USP20: variants seen among roughly 807,000 people sequenced by gnomAD.
USP20 encodes ubiquitin carboxyl-terminal hydrolase 20.
USP20 carries 80 observed loss-of-function variants against 124.2 expected under a neutral mutation model. The ratio of observed to expected loss-of-function variants is 0.64; its 90% CI spans 0.54 to 0.78. The LOEUF (loss-of-function observed/expected upper bound fraction) is 0.78. Among genes scored for constraint, USP20 ranks in the 30% least tolerant of loss-of-function variants. USP20 has a pLI of 0.00. For synonymous variants in USP20, 481 were observed against 512.3 expected, an observed-to-expected ratio of 0.94 and a Z score of 0.83; for missense variants, 1,043 against 1,244.4, an observed-to-expected ratio of 0.84 and a Z score of 2.44.
intron 4 of USP20, among the ~76,000 whole-genome samples, chr9:129,857,390 C>A (rs1349981932): frequency 6.6e-6 from 1 of 152,224 alleles, no homozygotes; most frequent in Non-Finnish European, 1.5e-5. Flanking sequence ...TCCCAGAAGG[C>A]CCTGCTGATC....
Position 129,839,212 on chromosome 9 carries a change from T to C in USP20, c.-129+3713T>C, listed in dbSNP as rs903622762. Among the ~76,000 whole-genome samples, 1 of 152,190 alleles carries C rather than the reference T, an allele frequency of 6.6e-6. No individual in the cohort carries two copies. Among genetic ancestry groups the C allele is most frequent in the Admixed American group, 6.5e-5 (1 of 15,280 alleles). On this transcript the variant is annotated intron_variant, in intron 1 of 25. Coordinates refer to ENST00000372429, the MANE Select transcript of USP20 (RefSeq NM_001110303.4). The surrounding 1 kb of genome is among the most constrained non-coding windows in gnomAD (Gnocchi z 4.5). ...GCCAGTTATTCCACTTCTCTGAGCC[T>C]CGGTGTCTCCATTGTTAGTGATGGA...
At chr9:129,843,233 C>A (rs2032335761) in intron 1 of USP20, among the ~76,000 whole-genome samples, 1 of 151,876 alleles carries the variant, frequency 6.6e-6, no homozygotes, top group African/African-American at 2.4e-5. Context: ...AGTTCGAGAC[C>A]ACCCTGGCCA....
intron 1 of USP20, among the ~76,000 whole-genome samples, chr9:129,844,364 G>A (rs185909519): frequency 3.9e-5 from 6 of 152,102 alleles, no homozygotes; most frequent in Non-Finnish European, 7.4e-5. Context: ...GGTGGCTCAC[G>A]CCTGTAATCC....
chr9:129,880,384 G>A (rs2034592204), intron 25 of USP20, 83 bp from the exon 26 acceptor site: 4 of 1,390,800 alleles, frequency 2.9e-6, no homozygotes, highest in Non-Finnish European at 2.9e-6. Context: ...CAAAGAGCAG[G>A]TCCCTGAAAG....
intron 6 of USP20, among the ~76,000 whole-genome samples, chr9:129,859,586 T>C (rs1415042861): frequency 6.6e-6 from 1 of 152,076 alleles, no homozygotes; most frequent in Non-Finnish European, 1.5e-5. Flanking sequence ...TCCTTCTGTT[T>C]AGACAGTCAC....
Position 129,879,399 on chromosome 9 carries a change from C to T in USP20, c.2513-174C>T. The T allele has an allele frequency of 6.4e-6, 4 of 626,686 alleles. No individual in the cohort carries two copies. The South Asian group carries it at 7.8e-5, about 12-fold the overall frequency. 38.8% of individuals were successfully genotyped at this position (626,686 alleles called of 1,614,324 possible). ...ATCTCGTGTGTCCTGGAAATTCCCT[C>T]TGCTGGGTCCTCAGACTGCCACAGA... On this transcript the variant is annotated intron_variant, in intron 23 of 25. Transcript: ENST00000372429. This position sits in a 1 kb window ranked among gnomAD's most constrained non-coding sequence, Gnocchi z 4.2.
chr9:129,863,396 C>A, intron 9 of USP20, 97 bp downstream of exon 9: 1 of 956,328 alleles, frequency 1.0e-6, no homozygotes, highest in Non-Finnish European at 1.5e-6. Flanking sequence ...CAGCCCCCAG[C>A]GAGGACTTGC....
chr9:129,873,080 C>CTGTTTTTTTT (rs1554750573), intron 15 of USP20, among the ~76,000 whole-genome samples: 5 of 78,366 alleles, frequency 6.4e-5, no homozygotes. Flanking sequence ...TTTTCTTCTT[C>CTGTTTTTTTT]TTTTTTTTTT....
At chr9:129,875,705 G>A in intron 21 of USP20, 64 bp downstream of exon 21, 2 of 1,531,464 alleles carry the variant, frequency 1.3e-6, no homozygotes, top group Non-Finnish European at 1.8e-6. Context: ...AGGAAAAGAG[G>A]GGAGGGCAGG....
intron 6 of USP20, among the ~76,000 whole-genome samples, chr9:129,859,597 A>G (rs374681202): frequency 1.3e-5 from 2 of 152,242 alleles, no homozygotes; most frequent in South Asian, 2.1e-4. Flanking sequence ...AGACAGTCAC[A>G]TGATAGGGCT....
At chr9:129,865,857 T>C (rs756219715) in intron 10 of USP20, among the ~76,000 whole-genome samples, 12 of 152,204 alleles carry the variant, frequency 7.9e-5, no homozygotes, top group Non-Finnish European at 1.8e-4. Flanking sequence ...CAGGCAACCT[T>C]GCTGCAGGGC....
At chr9:129,871,983 T>C (rs773606939) in intron 15 of USP20, among the ~76,000 whole-genome samples, 21 of 152,170 alleles carry the variant, frequency 1.4e-4, no homozygotes, top group Admixed American at 2.6e-4. Context: ...CCCAAAGTGC[T>C]GGGATTACCG....
intron 21 of USP20, among the ~76,000 whole-genome samples, 194 bp from the exon 22 acceptor site, chr9:129,875,935 GA>G (rs1279094857): frequency 8.1e-4 from 7 of 8,630 alleles, no homozygotes; most frequent in Admixed American, 1.7e-3. Flanking sequence ...CTTCAGCCTT[GA>G]AGCAGGACCT....
intron 1 of USP20, among the ~76,000 whole-genome samples, chr9:129,844,174 ATAAT>A (rs1453200316): frequency 6.6e-6 from 1 of 152,234 alleles, no homozygotes; most frequent in Non-Finnish European, 1.5e-5. Context: ...TGATGGATAA[ATAAT>A]TCAGTAAGGG....
chr9:129,869,129 G>A, intron 12 of USP20, 127 bp downstream of exon 12: 1 of 1,436,714 alleles, frequency 7.0e-7, no homozygotes, highest in African/African-American at 1.4e-5. Flanking sequence ...ACACCCCTGA[G>A]ACACCAGTGT....
intron 15 of USP20, 148 bp downstream of exon 15, chr9:129,870,695 C>A: frequency 1.2e-6 from 1 of 866,512 alleles, no homozygotes; most frequent in Non-Finnish European, 1.8e-6. Flanking sequence ...CATCAGATAC[C>A]CACGCCCACT....
intron 2 of USP20, among the ~76,000 whole-genome samples, 192 bp downstream of exon 2, chr9:129,850,116 G>A (rs931819206): frequency 1.1e-4 from 17 of 152,182 alleles, no homozygotes; most frequent in African/African-American, 3.9e-4. Flanking sequence ...GAGGAAGCAG[G>A]AGGTTGAGAT....
At chr9:129,873,556 C>T (rs1451139020) in intron 16 of USP20, 41 bp downstream of exon 16, 16 of 1,613,974 alleles carry the variant, frequency 9.9e-6, no homozygotes, top group Non-Finnish European at 1.3e-5. Flanking sequence ...ACTGCCGTTT[C>T]TGTGCCCTAC....
chr9:129,851,605 C>T (rs891316860), intron 2 of USP20, among the ~76,000 whole-genome samples: 1 of 152,152 alleles, frequency 6.6e-6, no homozygotes, highest in East Asian at 1.9e-4. Flanking sequence ...TTCATCTTCA[C>T]CAAGGTGCTC....
Sources: allele counts gnomAD v4.1 joint callset (sites outside exome capture counted in the v4.1 genomes callset), GRCh38; gene constraint gnomAD v4.1.1; non-coding constraint Gnocchi (gnomAD v3.1); transcripts MANE v1.5; gene names NCBI Gene and HGNC (gene_info 2026-07-23, HGNC 2026-07-21).